The following TRIOBP variants were observed in gnomAD, a reference collection of about 807,000 sequenced individuals.
TRIOBP encodes the protein TRIO and F-actin binding protein.
TRIOBP carries 169 observed loss-of-function variants against 238.8 expected under a neutral mutation model. The observed-to-expected ratio is 0.71, with a 90% CI of 0.62 to 0.80. The LOEUF (loss-of-function observed/expected upper bound fraction) is 0.80, where lower values mean the gene tolerates loss of function less well. Ranked by LOEUF, TRIOBP falls within the 30% of genes least tolerant of loss-of-function variation. TRIOBP has a pLI of 0.00. For synonymous variants in TRIOBP, 1,150 were observed against 1,274.4 expected (o/e 0.90, Z 2.08); for missense variants, 2,838 against 3,122.6 (o/e 0.91, Z 2.17).
intron 11 of TRIOBP, among the ~76,000 whole-genome samples, chr22:37,749,369 C>A (rs1435596344): frequency 6.6e-6 from 1 of 152,074 alleles, no homozygotes; most frequent in African/African-American, 2.4e-5. Context: ...AGCAAGCCAC[C>A]TGGAGCCGTC....
Position 37,772,742 on chromosome 22 carries a change from C to T in TRIOBP, c.7078C>T (p.Arg2360Cys), listed in dbSNP as rs371230470. 35 of 1,613,612 alleles carry T rather than the reference C, an allele frequency of 2.2e-5. No individual in the cohort carries two copies. The highest frequency in any genetic ancestry group is 1.9e-4 in the African/African-American group (14 of 75,038). ...MAALQEKESM[R>C]NSLAE The stretch of plus-strand genomic sequence containing the variant: ...CGCCCTCCAGGAGAAGGAGTCGATG[C>T]GCAACAGCCTGGCTGAGTAGAGGTG... Residue 2360 changes from arginine to cysteine, a missense_variant, in exon 23 of 24, where the codon CGC becomes TGC. By Grantham distance (180) the Arg-to-Cys change is radical (BLOSUM62 -3). This residue lies in a region of TRIOBP where 2,096 missense variants were observed against 2,137.4 expected (regional missense o/e 0.98). Coordinates refer to ENST00000644935, the MANE Select transcript of TRIOBP (RefSeq NM_001039141.3).
rs372141125 is a variant in TRIOBP, at chr22:37,703,503, CT to C, written c.114+2043del. On this transcript the variant is annotated intron_variant, in intron 3 of 23. Coordinates refer to ENST00000644935, the MANE Select transcript of TRIOBP (RefSeq NM_001039141.3). ...ATTCCCATTGGGGTCTGAAGGTCCT[CT>C]TTTTTTTTTTTTTTTTTTGAGACAG... Among the ~76,000 whole-genome samples the C allele has an allele frequency of 3.8e-3, 475 of 124,542 alleles. 4 individuals are homozygous for C. The highest frequency in any genetic ancestry group is 0.016 in the Middle Eastern group (4 of 244). The allele number at this position is 124,542 out of a possible 152,430, so 81.7% of individuals were successfully genotyped here. A position where few individuals can be genotyped will look rare whatever the true frequency, so the allele number is the denominator to read the frequency against.
chr22:37,754,838 A>G (rs1223867168), intron 12 of TRIOBP, 39 bp from the exon 13 acceptor site: 3 of 1,604,626 alleles, frequency 1.9e-6, no homozygotes, highest in African/African-American at 1.3e-5. Context: ...CACCTGTACA[A>G]TCACACACAC....
At chr22:37,757,592 G>A (rs1270523002) in intron 15 of TRIOBP, 21 bp from the exon 16 acceptor site, 20 of 1,564,618 alleles carry the variant, frequency 1.3e-5, no homozygotes, top group Admixed American at 5.6e-5. Context: ...CCCACCTGAC[G>A]TGGCTCTGCT....
chr22:37,760,145 A>G (rs1926169182), intron 17 of TRIOBP: 1 of 153,270 alleles, frequency 6.5e-6, no homozygotes, highest in African/African-American at 2.4e-5. Context: ...CTTCTTTGCT[A>G]GATCGGATAG....
At chr22:37,735,920 G>A (rs1431220596) in intron 9 of TRIOBP, among the ~76,000 whole-genome samples, 1 of 152,242 alleles carries the variant, frequency 6.6e-6, no homozygotes, top group Non-Finnish European at 1.5e-5. Context: ...ACCTGGGACT[G>A]TAGCCAGTGT....
chr22:37,768,032 C>A, intron 18 of TRIOBP, 42 bp from the exon 19 acceptor site: 1 of 1,537,610 alleles, frequency 6.5e-7, no homozygotes, highest in Non-Finnish European at 8.9e-7. Flanking sequence ...GTGCTGCTGA[C>A]CCCCCTCCAG....
intron 3 of TRIOBP, among the ~76,000 whole-genome samples, chr22:37,705,877 A>G (rs951047066): frequency 6.6e-6 from 1 of 152,120 alleles, no homozygotes; most frequent in East Asian, 1.9e-4. Context: ...CGCCCGGCCA[A>G]GCCACGGAAG....
intron 12 of TRIOBP, 115 bp from the exon 13 acceptor site, chr22:37,754,762 A>G (rs1925820091): frequency 3.0e-6 from 3 of 1,012,176 alleles, no homozygotes; most frequent in Non-Finnish European, 4.7e-6. Context: ...CCAGGTCTCA[A>G]ATTGGCATTT....
chr22:37,729,537 G>T (rs534931443), intron 7 of TRIOBP, among the ~76,000 whole-genome samples: 2 of 152,208 alleles, frequency 1.3e-5, no homozygotes, highest in South Asian at 2.1e-4. Context: ...TCCTAACTTT[G>T]TCTTAACTAA....
chr22:37,773,363 C>T (rs1189833176), intron 23 of TRIOBP, among the ~76,000 whole-genome samples: 2 of 152,088 alleles, frequency 1.3e-5, no homozygotes, highest in Non-Finnish European at 1.5e-5. Flanking sequence ...GGACCACAGG[C>T]CCTCACCACC....
intron 15 of TRIOBP, among the ~76,000 whole-genome samples, chr22:37,756,359 A>G (rs1925920228): frequency 6.6e-6 from 1 of 152,120 alleles, no homozygotes; most frequent in Admixed American, 6.6e-5. Flanking sequence ...TGGGAGGATC[A>G]CCTGAGCCCG....
At position 37,747,303 on chromosome 22, in the gene TRIOBP, G is replaced by C. The variant is rs369514528; in HGVS notation, c.5323-4469G>C. 7.9e-5 allele frequency among the ~76,000 whole-genome samples: 12 copies of C among 152,328 alleles called. No homozygotes were observed. In the South Asian group the frequency reaches 2.5e-3, roughly 32 times the overall value. On this transcript the variant is annotated intron_variant, in intron 11 of 23. Transcript: ENST00000644935. ...CCCACTGACCGTGATGTTCGGGAAGGGAGGGGTGGGGCTGCTTTTGGTTTC... is the reference window on the plus strand; with the variant it reads ...CCCACTGACCGTGATGTTCGGGAAGCGAGGGGTGGGGCTGCTTTTGGTTTC...
At chr22:37,759,085 G>A (rs1304952264) in intron 16 of TRIOBP, 69 bp from the exon 17 acceptor site, 3 of 1,299,592 alleles carry the variant, frequency 2.3e-6, no homozygotes, top group Admixed American at 2.0e-5. Flanking sequence ...AAGCCTGCGG[G>A]CTCCTCACTG....
chr22:37,711,005 C>G (rs536325433), intron 4 of TRIOBP, among the ~76,000 whole-genome samples: 1 of 152,240 alleles, frequency 6.6e-6, no homozygotes, highest in Admixed American at 6.5e-5. Flanking sequence ...CACCCACCTA[C>G]GTGGGTGTGC....
Position 37,724,427 on chromosome 22 carries a change from C to T in TRIOBP, c.1871C>T (p.Pro624Leu), listed in dbSNP as rs1299641661. The change falls in exon 7 of 24, where the codon CCC becomes CTC. Residue 624 changes from proline (P) to leucine (L), a missense_variant. Physicochemically the swap from Pro to Leu is moderately conservative, Grantham distance 98. Coordinates refer to ENST00000644935, the MANE Select transcript of TRIOBP (RefSeq NM_001039141.3). ...CCCAATAGAGCCACACGAGATAACC[C>T]CAGAACATCCTGTGCCCAGCGGGAC... ...SSPNRATRDN[P>L]RTSCAQRDNP... 2 of 1,516,040 alleles carry T rather than the reference C, an allele frequency of 1.3e-6. No homozygotes were observed. The highest frequency in any genetic ancestry group is 1.3e-5 in the South Asian group (1 of 78,200). The allele number at this position is 1,516,040 out of a possible 1,614,324, so 93.9% of individuals were successfully genotyped here. A position where few individuals can be genotyped will look rare whatever the true frequency, so the allele number is the denominator to read the frequency against.
Position 37,735,412 on chromosome 22 carries a change from T to C in TRIOBP, c.5076T>C (p.Thr1692=), listed in dbSNP as rs751489455. Residue 1692 remains threonine (T), a synonymous_variant, in exon 9 of 24, where the codon ACT becomes ACC. Coordinates refer to ENST00000644935, the MANE Select transcript of TRIOBP (RefSeq NM_001039141.3). ...CGGGCCCCCTGGGGAGCAGGAGCAC[T>C]GCGAAGGGCCCCAGCTTGCCAGAGC... ...EQTGPLGSRS[T]AKGPSLPELQ... 14 of 1,585,268 alleles carry C rather than the reference T, an allele frequency of 8.8e-6. No homozygotes were observed. The Admixed American group carries it at 2.4e-4, about 27-fold the overall frequency.
Position 37,733,294 on chromosome 22 carries a change from A to AT in TRIOBP, c.3948-3dup. On this transcript the variant is annotated splice_region_variant and splice_polypyrimidine_tract_variant and intron_variant, in intron 7 of 23. Coordinates refer to ENST00000644935, the MANE Select transcript of TRIOBP (RefSeq NM_001039141.3). ...CTCAGAGGAGTGGCTGCATTTGCTC[A>AT]TAGGAAGTCCGAGGCAGCGGGGGCC... 6.5e-7 allele frequency: 1 copy of AT among 1,549,466 alleles called. No individual in the cohort carries two copies.
chr22:37,711,107 A>C (rs1408489860), intron 4 of TRIOBP, among the ~76,000 whole-genome samples: 1 of 152,122 alleles, frequency 6.6e-6, no homozygotes, highest in African/African-American at 2.4e-5. Context: ...ATGGTCTGAG[A>C]GTCTAGAAAC....
Sources: gnomAD v4.1 joint callset for allele counts (sites outside exome capture counted in the v4.1 genomes callset) on GRCh38, gnomAD v4.1.1 for gene constraint, gnomAD v4.1.1 regional missense constraint, MANE v1.5 for transcripts, NCBI Gene and HGNC (gene_info 2026-07-23, HGNC 2026-07-21) for gene names.